The following RGS21 variants were observed in gnomAD, a reference collection of about 807,000 sequenced individuals.
RGS21 encodes the protein regulator of G-protein signalling 21.
Under a neutral mutation model 18.7 loss-of-function variants are expected in RGS21, and 19 were observed. The ratio of observed to expected loss-of-function variants is 1.01; its 90% CI spans 0.71 to 1.49. The LOEUF (loss-of-function observed/expected upper bound fraction) is 1.49, where lower values mean the gene tolerates loss of function less well. RGS21 is among the 40% of genes most tolerant of loss of function. RGS21 has a pLI of 0.00. For missense variants in RGS21, 194 were observed against 176.8 expected (o/e 1.10, Z -0.55); for synonymous variants, 56 against 57.8 (o/e 0.97, Z 0.14).
intron 4 of RGS21, among the ~76,000 whole-genome samples, chr1:192,354,067 A>G (rs1330376187): frequency 6.6e-6 from 1 of 151,662 alleles, no homozygotes; most frequent in Non-Finnish European, 1.5e-5. Context: ...CTTGTTATAT[A>G]TTACACCGAT....
At chr1:192,330,735 T>C (rs1417567993) in intron 1 of RGS21, among the ~76,000 whole-genome samples, 1 of 152,166 alleles carries the variant, frequency 6.6e-6, no homozygotes, top group African/African-American at 2.4e-5. Context: ...TATAGATAAA[T>C]GTGAGCGATA....
chr1:192,341,916 T>C (rs1355983828), intron 1 of RGS21, among the ~76,000 whole-genome samples: 1 of 152,044 alleles, frequency 6.6e-6, no homozygotes, highest in Non-Finnish European at 1.5e-5. Flanking sequence ...ATTCAGTTTT[T>C]GCTTATCCTA....
intron 1 of RGS21, among the ~76,000 whole-genome samples, chr1:192,332,311 G>T (rs1658668988): frequency 6.6e-6 from 1 of 152,060 alleles, no homozygotes; most frequent in Non-Finnish European, 1.5e-5. Flanking sequence ...AGTAAGATTG[G>T]ATAGAAAAAG....
chr1:192,335,433 C>T (rs1658753646), intron 1 of RGS21, among the ~76,000 whole-genome samples: 1 of 152,260 alleles, frequency 6.6e-6, no homozygotes, highest in South Asian at 2.1e-4. Flanking sequence ...ACCTCTTCCT[C>T]ATTTTTGGTT....
intron 1 of RGS21, among the ~76,000 whole-genome samples, chr1:192,342,350 A>T: frequency 6.6e-6 from 1 of 152,222 alleles, no homozygotes; most frequent in Non-Finnish European, 1.5e-5. Flanking sequence ...GCCTTATTAC[A>T]TTAAACATCA....
Position 192,347,421 on chromosome 1 carries a change from C to T in RGS21, c.88+32C>T, listed in dbSNP as rs762414451. The stretch of plus-strand genomic sequence containing the variant: ...TTTAACTAATAATAGGCTTAAAATA[C>T]AATAATTAAATATAAATTATTAAAT... On this transcript the variant is annotated intron_variant, in intron 3 of 4. Coordinates refer to ENST00000417209, the MANE Select transcript of RGS21 (RefSeq NM_001039152.3). 18 of 994,672 alleles carry T rather than the reference C, an allele frequency of 1.8e-5. 1 individual carries two copies. In the Middle Eastern group the frequency reaches 1.4e-3, roughly 78 times the overall value. 61.6% of individuals were successfully genotyped at this position (994,672 alleles called of 1,614,324 possible).
At chr1:192,334,263 G>T (rs981026940) in intron 1 of RGS21, among the ~76,000 whole-genome samples, 5 of 151,998 alleles carry the variant, frequency 3.3e-5, no homozygotes, top group Non-Finnish European at 7.4e-5. Flanking sequence ...ATGTAACCAT[G>T]AGTAAAAAAT....
intron 2 of RGS21, among the ~76,000 whole-genome samples, chr1:192,343,739 G>A (rs1183007863): frequency 1.3e-5 from 2 of 151,862 alleles, no homozygotes; most frequent in Non-Finnish European, 2.9e-5. Context: ...GACTTTTCAT[G>A]GCAAATCATA....
intron 4 of RGS21, among the ~76,000 whole-genome samples, chr1:192,360,482 T>G (rs1659172028): frequency 6.6e-6 from 1 of 152,166 alleles, no homozygotes; most frequent in African/African-American, 2.4e-5. Flanking sequence ...CCCTTTATTC[T>G]CTGTGATGTT....
At chr1:192,355,308 A>T (rs1659095813) in intron 4 of RGS21, among the ~76,000 whole-genome samples, 1 of 151,706 alleles carries the variant, frequency 6.6e-6, no homozygotes, top group African/African-American at 2.4e-5. Flanking sequence ...AGGAATGGTA[A>T]TTCCTTTCTT....
chr1:192,335,521 A>T (rs981269682), intron 1 of RGS21, among the ~76,000 whole-genome samples: 1 of 152,124 alleles, frequency 6.6e-6, no homozygotes. Flanking sequence ...TTTTGCAAAT[A>T]CTCACTGGAC....
At chr1:192,353,366 T>C (rs1278674132) in intron 4 of RGS21, among the ~76,000 whole-genome samples, 1 of 151,910 alleles carries the variant, frequency 6.6e-6, no homozygotes, top group Non-Finnish European at 1.5e-5. Context: ...TTAACTCCTG[T>C]AGAGCTATTT....
chr1:192,334,138 G>A (rs576093152), intron 1 of RGS21, among the ~76,000 whole-genome samples: 21 of 152,016 alleles, frequency 1.4e-4, no homozygotes, highest in Admixed American at 2.6e-4. Flanking sequence ...TCTAGGCTAC[G>A]TTTCTCGACA....
chr1:192,366,243 G>T lies in RGS21; in HGVS notation c.*119G>T, dbSNP rs937076244. ...TTAGAAAACATTTTTTACCCAAACA[G>T]ATGAATAACGTTTTATACAACAAGC... On this transcript the variant is annotated 3_prime_UTR_variant, in exon 5 of 5. Coordinates refer to ENST00000417209, the MANE Select transcript of RGS21 (RefSeq NM_001039152.3). 16 of 661,352 alleles carry T rather than the reference G, an allele frequency of 2.4e-5. No homozygotes were observed. The East Asian group carries it at 4.4e-4, about 18-fold the overall frequency. The allele number at this position is 661,352 out of a possible 1,614,324, so 41.0% of individuals were successfully genotyped here.
intron 2 of RGS21, among the ~76,000 whole-genome samples, chr1:192,345,411 A>C (rs1288854372): frequency 1.3e-5 from 2 of 152,206 alleles, no homozygotes; most frequent in African/African-American, 4.8e-5. Flanking sequence ...ATTTATCAGC[A>C]TCTTGAAGGC....
At position 192,349,614 on chromosome 1, in the gene RGS21, G is replaced by A. The variant is rs142600494; in HGVS notation, c.88+2225G>A. Among the ~76,000 whole-genome samples the A allele has an allele frequency of 6.4e-4, 98 of 152,194 alleles. 2 individuals are homozygous for A. In the East Asian group the frequency reaches 0.016, roughly 24 times the overall value. ...ACTTTAAAATCATTTGGCATCTTTTGAACATTCAAATTGTATGTATAGGAG... is the reference window on the plus strand; with the variant it reads ...ACTTTAAAATCATTTGGCATCTTTTAAACATTCAAATTGTATGTATAGGAG... On this transcript the variant is annotated intron_variant, in intron 3 of 4. Coordinates refer to ENST00000417209, the MANE Select transcript of RGS21 (RefSeq NM_001039152.3).
intron 4 of RGS21, among the ~76,000 whole-genome samples, chr1:192,358,591 C>CATAA (rs1230396571): frequency 6.6e-6 from 1 of 152,016 alleles, no homozygotes; most frequent in Non-Finnish European, 1.5e-5. Flanking sequence ...AGGCGTTTTA[C>CATAA]TTATGCATGC....
At chr1:192,363,194 G>T (rs539190772) in intron 4 of RGS21, among the ~76,000 whole-genome samples, 2 of 152,074 alleles carry the variant, frequency 1.3e-5, no homozygotes, top group African/African-American at 4.8e-5. Context: ...CATTGTAAAG[G>T]CCATGAATGC....
intron 3 of RGS21, among the ~76,000 whole-genome samples, chr1:192,349,657 T>C (rs1659007865): frequency 2.0e-5 from 3 of 152,164 alleles, no homozygotes. Flanking sequence ...CAACAAAATA[T>C]CATGTTCAAG....
Sources: gnomAD v4.1 joint callset for allele counts (sites outside exome capture counted in the v4.1 genomes callset) on GRCh38, gnomAD v4.1.1 for gene constraint, MANE v1.5 for transcripts, NCBI Gene and HGNC (gene_info 2026-07-23, HGNC 2026-07-21) for gene names.